The following OR1J2 variants were observed in gnomAD, a reference collection of about 807,000 sequenced individuals.
OR1J2 encodes olfactory receptor family 1 subfamily J member 2, also known as olfactory receptor 1J2.
For synonymous variants in OR1J2, 142 were observed against 99.7 expected (o/e 1.42, Z -2.52); for missense variants, 304 against 246.1 (o/e 1.24, Z -1.57).
the OR1J2 span, among the ~76,000 whole-genome samples, chr9:122,484,035 G>A: frequency 1.3e-5 from 2 of 151,374 alleles, no homozygotes; most frequent in Admixed American, 1.3e-4. Context: ...AAAAAGCATG[G>A]CTTCATGAAG....
chr9:122,541,969 C>G, the OR1J2 span, among the ~76,000 whole-genome samples: 3 of 152,226 alleles, frequency 2.0e-5, no homozygotes, highest in Non-Finnish European at 4.4e-5. Context: ...AAAGCCAGAA[C>G]ACTCCCTCTT....
chr9:122,468,466 A>C, the OR1J2 span, among the ~76,000 whole-genome samples: 1 of 152,222 alleles, frequency 6.6e-6, no homozygotes, highest in African/African-American at 2.4e-5. Context: ...CATAAGGGTA[A>C]GTTTTTAAAA....
chr9:122,519,428 G>T, the OR1J2 span: 12 of 1,614,138 alleles, frequency 7.4e-6, no homozygotes, highest in Non-Finnish European at 1.0e-5. Flanking sequence ...TTTATGCAGG[G>T]TGTGTAACTC....
downstream of OR1J2, among the ~76,000 whole-genome samples, chr9:122,515,518 G>A (rs1828689459): frequency 6.6e-6 from 1 of 151,550 alleles, no homozygotes; most frequent in Non-Finnish European, 1.5e-5. Context: ...GTTGTGGGGA[G>A]ATGAGGGATA....
chr9:122,569,508 T>C, the OR1J2 span, among the ~76,000 whole-genome samples: 1 of 152,236 alleles, frequency 6.6e-6, no homozygotes, highest in African/African-American at 2.4e-5. Context: ...ATTAAAGTTT[T>C]TGAGTAAGCA....
At chr9:122,468,164 A>AAGC in the OR1J2 span, among the ~76,000 whole-genome samples, 1 of 152,218 alleles carries the variant, frequency 6.6e-6, no homozygotes, top group Non-Finnish European at 1.5e-5. Context: ...ATACCTATTA[A>AAGC]AGCAAGTGGC....
chr9:122,520,225 C>CCTG, the OR1J2 span: 1 of 553,292 alleles, frequency 1.8e-6, no homozygotes, highest in Admixed American at 3.2e-5. Flanking sequence ...CTCCCTTTTC[C>CCTG]TCTTTAGTGC....
chr9:122,580,130 A>AATAATGTACCT, the OR1J2 span, among the ~76,000 whole-genome samples: 1 of 152,222 alleles, frequency 6.6e-6, no homozygotes, highest in East Asian at 1.9e-4. Context: ...GCCTGTCAGC[A>AATAATGTACCT]ATAATGTACC....
At chr9:122,480,458 G>A in the OR1J2 span, among the ~76,000 whole-genome samples, 1 of 151,936 alleles carries the variant, frequency 6.6e-6, no homozygotes, top group East Asian at 1.9e-4. Flanking sequence ...TTTCTAACTT[G>A]TATTTTATGT....
the OR1J2 span, among the ~76,000 whole-genome samples, chr9:122,525,182 C>G: frequency 6.6e-6 from 1 of 152,154 alleles, no homozygotes; most frequent in South Asian, 2.1e-4. Context: ...GAAGAACAGA[C>G]TTCCAGTTCC....
the OR1J2 span, among the ~76,000 whole-genome samples, chr9:122,536,488 A>G: frequency 6.6e-6 from 1 of 152,376 alleles, no homozygotes; most frequent in East Asian, 1.9e-4. Flanking sequence ...CAAAGTTTGG[A>G]AACTGGAAAC....
chr9:122,533,727 A>C, the OR1J2 span, among the ~76,000 whole-genome samples: 1 of 152,200 alleles, frequency 6.6e-6, no homozygotes, highest in Non-Finnish European at 1.5e-5. Context: ...GTCAATACCC[A>C]CAACAGTTAC....
the OR1J2 span, among the ~76,000 whole-genome samples, chr9:122,552,721 C>A: frequency 6.7e-6 from 1 of 149,464 alleles, no homozygotes; most frequent in Non-Finnish European, 1.5e-5. Flanking sequence ...TCTTAAAAGT[C>A]AATTTCAGCC....
chr9:122,544,842 GT>G, the OR1J2 span, among the ~76,000 whole-genome samples: 1 of 152,050 alleles, frequency 6.6e-6, no homozygotes, highest in Non-Finnish European at 1.5e-5. Flanking sequence ...TCTAGTGTTT[GT>G]TTTTTATTTC....
chr9:122,522,246 G>C, the OR1J2 span, among the ~76,000 whole-genome samples: 1 of 152,118 alleles, frequency 6.6e-6, no homozygotes. Flanking sequence ...AAATAGTTCT[G>C]AAAATTGGCA....
At chr9:122,492,738 G>A in the OR1J2 span, among the ~76,000 whole-genome samples, 22 of 152,188 alleles carry the variant, frequency 1.4e-4, no homozygotes, top group South Asian at 1.5e-3. Context: ...AGGACTTCTA[G>A]TACTATGTTG....
the OR1J2 span, among the ~76,000 whole-genome samples, chr9:122,556,729 A>G: frequency 7.5e-4 from 114 of 152,298 alleles, no homozygotes; most frequent in African/African-American, 2.6e-3. Flanking sequence ...TTGTTCTTCC[A>G]TAATGTGTTA....
At chr9:122,553,089 T>A in the OR1J2 span, 1 of 918,492 alleles carries the variant, frequency 1.1e-6, no homozygotes, top group Non-Finnish European at 1.6e-6. Flanking sequence ...ACCATTTATT[T>A]TTCTTTTCTT....
At chr9:122,456,109 T>G in the OR1J2 span, among the ~76,000 whole-genome samples, 1 of 152,208 alleles carries the variant, frequency 6.6e-6, no homozygotes. Flanking sequence ...TTGTAGTATA[T>G]TTTGAAGTCA....
Sources: gnomAD v4.1 joint callset for allele counts (sites outside exome capture counted in the v4.1 genomes callset) on GRCh38, gnomAD v4.1.1 for gene constraint, MANE v1.5 for transcripts, NCBI Gene and HGNC (gene_info 2026-07-23, HGNC 2026-07-21) for gene names.